The following KRT33B variants were observed in gnomAD, a reference collection of about 807,000 sequenced individuals.
KRT33B encodes the protein keratin 33B, also known as keratin, type I cuticular Ha3-II.
Under a neutral mutation model 42.7 loss-of-function variants are expected in KRT33B, and 37 were observed. That is an observed-to-expected ratio of 0.87 (90% CI 0.67 to 1.14). The LOEUF is 1.14. KRT33B is among the 50% of genes most tolerant of loss of function. KRT33B has a pLI of 0.00. For synonymous variants in KRT33B, 237 were observed against 221.2 expected (o/e 1.07, Z -0.63); for missense variants, 523 against 515.1 (o/e 1.02, Z -0.15).
intron 3 of KRT33B, 113 bp from the exon 4 acceptor site, chr17:41,365,666 T>C: frequency 7.3e-7 from 1 of 1,368,744 alleles, no homozygotes; most frequent in Non-Finnish European, 9.9e-7. Context: ...GAAACATGAG[T>C]TGAAGCCCAG....
chr17:41,364,716 T>A, intron 6 of KRT33B, 63 bp downstream of exon 6: 1 of 1,591,266 alleles, frequency 6.3e-7, no homozygotes, highest in Non-Finnish European at 8.6e-7. Context: ...TCAAAGTCTC[T>A]GTTTTATCCT....
At position 41,365,519 on chromosome 17, in the gene KRT33B, C is replaced by A. The variant is rs747784843; in HGVS notation, c.623G>T (p.Arg208Leu). The A allele has an allele frequency of 3.1e-6, 5 of 1,611,970 alleles. No individual in the cohort carries two copies. Among genetic ancestry groups the A allele is most frequent in the Non-Finnish European group, 3.4e-6 (4 of 1,179,812 alleles). ...AGCAGCGTCCACCTCCACGTTGAGG[C>A]GGTCTCCAAGCTGGCAGCGCAAGGT... ...VNTLRCQLGD[R>L]LNVEVDAAPA... Residue 208 changes from arginine to leucine, a missense_variant, in exon 4 of 7, where the codon CGC (arginine) becomes CTC (leucine). By Grantham distance (102) the Arg-to-Leu change is moderately radical. Coordinates refer to ENST00000251646, the MANE Select transcript of KRT33B (RefSeq NM_002279.5).
intron 2 of KRT33B, among the ~76,000 whole-genome samples, chr17:41,367,161 T>G (rs1392814559): frequency 2.0e-5 from 3 of 151,420 alleles, no homozygotes; most frequent in Non-Finnish European, 4.4e-5. Context: ...AAAATTATGT[T>G]GTAAAATGTA....
At position 41,365,777 on chromosome 17, in the gene KRT33B, A is replaced by G. The variant is rs1336712236; in HGVS notation, c.589-224T>C. On this transcript the variant is annotated intron_variant, in intron 3 of 6. Coordinates refer to ENST00000251646, the MANE Select transcript of KRT33B (RefSeq NM_002279.5). ...GATTGCTAATATTTCTACCCAGTCC[A>G]AGATTCTATCATTTCTTTCTTATTT... Among the ~76,000 whole-genome samples, 6 of 151,252 alleles carry G rather than the reference A, an allele frequency of 4.0e-5. 1 individual carries two copies. The highest frequency in any genetic ancestry group is 1.5e-4 in the African/African-American group (6 of 40,560).
At chr17:41,366,651 AG>A in intron 2 of KRT33B, 25 bp from the exon 3 acceptor site, 1 of 1,549,294 alleles carries the variant, frequency 6.5e-7, no homozygotes, top group Non-Finnish European at 8.7e-7. Flanking sequence ...AGAGGTCAAA[AG>A]AGGTCCAAAA....
intron 2 of KRT33B, among the ~76,000 whole-genome samples, chr17:41,367,075 T>G (rs2017710557): frequency 6.6e-6 from 1 of 151,426 alleles, no homozygotes; most frequent in African/African-American, 2.5e-5. Context: ...TTTATCTCTC[T>G]GAGGCTTGAT....
rs945202748 is a variant in KRT33B at position 41,363,607 on chromosome 17, A to G, written c.*229T>C. The G allele has an allele frequency of 2.7e-5, 11 of 401,694 alleles. No homozygotes were observed. The highest frequency in any genetic ancestry group is 4.2e-5 in the African/African-American group (2 of 47,698). 24.9% of individuals were successfully genotyped at this position (401,694 alleles called of 1,614,324 possible). On this transcript the variant is annotated 3_prime_UTR_variant, in exon 7 of 7. Coordinates refer to ENST00000251646, the MANE Select transcript of KRT33B (RefSeq NM_002279.5). ...GCCACTGTCACAGCTCCAACCTCTGACCATCAGAACTCAGACTGACTACAG... is the reference window on the plus strand; with the variant it reads ...GCCACTGTCACAGCTCCAACCTCTGGCCATCAGAACTCAGACTGACTACAG...
At chr17:41,363,997 T>G (rs2017659897) in intron 6 of KRT33B, 44 bp from the exon 7 acceptor site, 2 of 1,346,012 alleles carry the variant, frequency 1.5e-6, no homozygotes, top group African/African-American at 3.0e-5. Context: ...GAAGGGTGAT[T>G]CAAACAAGGG....
At chr17:41,365,646 T>C in intron 3 of KRT33B, 93 bp from the exon 4 acceptor site, 1 of 1,477,590 alleles carries the variant, frequency 6.8e-7, no homozygotes, top group African/African-American at 1.5e-5. Context: ...AGGATTGCAT[T>C]GCAGCTTAGG....
Position 41,365,489 on chromosome 17 carries a change from G to A in KRT33B, c.653C>T (p.Ala218Val). 9 of 1,613,094 alleles carry A rather than the reference G, an allele frequency of 5.6e-6. No individual in the cohort carries two copies. The highest frequency in any genetic ancestry group is 6.8e-6 in the Non-Finnish European group (8 of 1,180,032). The change falls in exon 4 of 7, where the codon GCT becomes GTT. Residue 218 changes from alanine to valine, a missense_variant. By Grantham distance (64) the Ala-to-Val change is moderately conservative (BLOSUM62 0). Transcript: ENST00000251646. ...RLNVEVDAAP[A>V]VDLNQVLNET... ...GTTCAGGACCTGGTTCAGGTCCACA[G>A]CGGGAGCAGCGTCCACCTCCACGTT...
At position 41,369,527 on chromosome 17, in the gene KRT33B, C is replaced by T. The variant is rs368143773; in HGVS notation, c.224G>A (p.Arg75His). The change falls in exon 1 of 7, where the codon CGT (arginine) becomes CAT (histidine). Residue 75 changes from arginine (R) to histidine (H), a missense_variant. By Grantham distance (29) the Arg-to-His change is conservative (BLOSUM62 0). Coordinates refer to ENST00000251646, the MANE Select transcript of KRT33B (RefSeq NM_002279.5). Reference protein sequence around the residue: ...DRLASYLEKVRQLERDNAELE... With the variant: ...DRLASYLEKVHQLERDNAELE... ...CTCCGCGTTGTCCCGCTCCAGCTGA[C>T]GCACCTTCTCCAGGTAGCTGGCCAG... 71 of 1,613,682 alleles carry T rather than the reference C, an allele frequency of 4.4e-5. No individual in the cohort carries two copies. The highest frequency in any genetic ancestry group is 1.1e-4 in the East Asian group (5 of 44,900).
chr17:41,367,999 A>G lies in KRT33B; in HGVS notation c.349-9T>C. 2 of 1,612,498 alleles carry G rather than the reference A, an allele frequency of 1.2e-6. No individual in the cohort carries two copies. Among genetic ancestry groups the G allele is most frequent in the Non-Finnish European group, 1.7e-6 (2 of 1,179,616 alleles). On this transcript the variant is annotated splice_polypyrimidine_tract_variant and intron_variant, in intron 1 of 6. Coordinates refer to ENST00000251646, the MANE Select transcript of KRT33B (RefSeq NM_002279.5). The stretch of plus-strand genomic sequence containing the variant: ...GACTTGCTGCACAGGATCTGGGGAT[A>G]GGATTAATCATGAAATGGGTTATAC...
intron 6 of KRT33B, 65 bp downstream of exon 6, chr17:41,364,714 T>G: frequency 6.3e-7 from 1 of 1,587,466 alleles, no homozygotes; most frequent in Non-Finnish European, 8.6e-7. Flanking sequence ...TTTCAAAGTC[T>G]CTGTTTTATC....
intron 6 of KRT33B, 67 bp from the exon 7 acceptor site, chr17:41,364,020 A>G: frequency 9.0e-7 from 1 of 1,116,326 alleles, no homozygotes; most frequent in Non-Finnish European, 1.3e-6. Flanking sequence ...ACTCAATCCA[A>G]AGAGACACAG....
At chr17:41,367,762 G>C in intron 2 of KRT33B, 146 bp downstream of exon 2, 1 of 641,266 alleles carries the variant, frequency 1.6e-6, no homozygotes, top group Non-Finnish European at 2.7e-6. Flanking sequence ...CTATTGAAGA[G>C]GCTTTGACAT....
At position 41,367,488 on chromosome 17, in the gene KRT33B, G is replaced by T. The variant is rs915047257; in HGVS notation, c.431+420C>A. Among the ~76,000 whole-genome samples the T allele has an allele frequency of 4.0e-5, 6 of 151,422 alleles. No individual in the cohort carries two copies. The East Asian group carries it at 1.2e-3, about 29-fold the overall frequency. The stretch of plus-strand genomic sequence containing the variant: ...GGAGGCTGAGGCGGGTGGATCACTT[G>T]AGGTCAGGAGTTCAAGACCAGCCTG... On this transcript the variant is annotated intron_variant, in intron 2 of 6. Transcript: ENST00000251646.
chr17:41,365,512 G>C lies in KRT33B; in HGVS notation c.630C>G (p.Asn210Lys). 1.2e-6 allele frequency: 2 copies of C among 1,612,422 alleles called. No individual in the cohort carries two copies. The highest frequency in any genetic ancestry group is 1.7e-6 in the Non-Finnish European group (2 of 1,179,920). Residue 210 changes from asparagine (N) to lysine (K), a missense_variant, in exon 4 of 7, where the codon AAC (asparagine) becomes AAG (lysine). By Grantham distance (94) the Asn-to-Lys change is moderately conservative. Transcript: ENST00000251646. ...TLRCQLGDRLNVEVDAAPAVD... is the reference protein window; with the variant it reads ...TLRCQLGDRLKVEVDAAPAVD... ...CAGCGGGAGCAGCGTCCACCTCCACGTTGAGGCGGTCTCCAAGCTGGCAGC... is the reference window on the plus strand; with the variant it reads ...CAGCGGGAGCAGCGTCCACCTCCACCTTGAGGCGGTCTCCAAGCTGGCAGC...
Position 41,365,232 on chromosome 17 carries a change from G to A in KRT33B, c.819C>T (p.Ile273=), listed in dbSNP as rs773713985. ...GGGCATTGACTGTGCGTCTCAGCTCGATGATCTCCGCCTGGTAGGACTGCA... is the reference window on the plus strand; with the variant it reads ...GGGCATTGACTGTGCGTCTCAGCTCAATGATCTCCGCCTGGTAGGACTGCA... ...EQLQSYQAEI[I]ELRRTVNALE... is the part of the protein sequence containing the mutation. The change falls in exon 5 of 7, where the codon ATC becomes ATT. Residue 273 remains isoleucine (I), a synonymous_variant. Transcript: ENST00000251646. 5.0e-6 allele frequency: 8 copies of A among 1,612,028 alleles called. No individual in the cohort carries two copies. Among genetic ancestry groups the A allele is most frequent in the East Asian group, 2.2e-5 (1 of 44,874 alleles).
chr17:41,365,359 G>A (rs200967808), intron 4 of KRT33B, 33 bp downstream of exon 4: 4 of 1,609,134 alleles, frequency 2.5e-6, no homozygotes, highest in East Asian at 4.5e-5. Context: ...GGGGGGCCTC[G>A]GGTCCTGAGT....
Sources: gnomAD v4.1 joint callset for allele counts (sites outside exome capture counted in the v4.1 genomes callset) on GRCh38, gnomAD v4.1.1 for gene constraint, MANE v1.5 for transcripts, NCBI Gene and HGNC (gene_info 2026-07-23, HGNC 2026-07-21) for gene names.